Variants in ANGPT4 observed in about 807,000 individuals in gnomAD.
ANGPT4 encodes angiopoietin 4.
A neutral mutation model predicts 53.0 loss-of-function variants in ANGPT4; 50 were observed. That is an observed-to-expected ratio of 0.94 (90% CI 0.75 to 1.20). The LOEUF is 1.20. Ranked by LOEUF, ANGPT4 falls within the 50% of genes most tolerant of loss-of-function variation. ANGPT4 has a pLI of 0.00. For synonymous variants in ANGPT4, 251 were observed against 259.7 expected (o/e 0.97, Z 0.32); for missense variants, 648 against 637.1 (o/e 1.02, Z -0.18).
intron 7 of ANGPT4, among the ~76,000 whole-genome samples, chr20:876,766 G>A (rs1052820776): frequency 2.6e-5 from 4 of 151,802 alleles, no homozygotes; most frequent in Non-Finnish European, 5.9e-5. Context: ...GGTGTGAGGA[G>A]TAGGGGGACA....
intron 7 of ANGPT4, among the ~76,000 whole-genome samples, chr20:876,068 T>C (rs1382500142): frequency 6.9e-6 from 1 of 145,872 alleles, no homozygotes; most frequent in Non-Finnish European, 1.5e-5. Flanking sequence ...GCCTGGGAGG[T>C]CTGGGAGGTC....
chr20:894,968 G>C (rs1462289162), intron 1 of ANGPT4, among the ~76,000 whole-genome samples: 2 of 152,144 alleles, frequency 1.3e-5, no homozygotes, highest in Non-Finnish European at 2.9e-5. Flanking sequence ...GTTACCCACA[G>C]CTGGATCCCA....
rs146601570 is a variant in ANGPT4 at position 908,417 on chromosome 20, C to T, written c.309+7489G>A. 3.2e-4 allele frequency among the ~76,000 whole-genome samples: 48 copies of T among 152,316 alleles called. No homozygotes were observed. The highest frequency in any genetic ancestry group is 5.2e-4 in the Admixed American group (8 of 15,308). On this transcript the variant is annotated intron_variant, in intron 1 of 8. Transcript: ENST00000381922. This position sits in a 1 kb window ranked among gnomAD's most constrained non-coding sequence, Gnocchi z 4.9. ...ATGCTTTTGCTTCCTTTCCCTGTCT[C>T]GCCACTGCCAACCCAGCCTTTAGAT...
chr20:899,633 C>A (rs567854753), intron 1 of ANGPT4, among the ~76,000 whole-genome samples: 34 of 152,092 alleles, frequency 2.2e-4, no homozygotes, highest in Non-Finnish European at 8.8e-5. Flanking sequence ...CATTTTAACC[C>A]GGACAAGTCT....
In ANGPT4 at chr20:916,228, A is replaced by G. The variant is rs1375623081; in HGVS notation, c.-14T>C. 12 of 1,607,286 alleles carry G rather than the reference A, an allele frequency of 7.5e-6. No individual in the cohort carries two copies. Among genetic ancestry groups the G allele is most frequent in the Non-Finnish European group, 8.5e-6 (10 of 1,175,790 alleles). ...CTGGGAGAGCATCTGAAGATGTGTC[A>G]ATGGCGAGGGATGTCTGCTCAGAGC... On this transcript the variant is annotated 5_prime_UTR_variant, in exon 1 of 9. Coordinates refer to ENST00000381922, the MANE Select transcript of ANGPT4 (RefSeq NM_015985.4).
At chr20:897,783 C>A (rs1982114958) in intron 1 of ANGPT4, among the ~76,000 whole-genome samples, 1 of 152,226 alleles carries the variant, frequency 6.6e-6, no homozygotes, top group African/African-American at 2.4e-5. Context: ...ACCTTCCACC[C>A]TGCATTCCCC....
chr20:875,955 C>T (rs1159978378), intron 7 of ANGPT4, among the ~76,000 whole-genome samples: 1 of 151,830 alleles, frequency 6.6e-6, no homozygotes, highest in African/African-American at 2.4e-5. Flanking sequence ...CATAGGGAAA[C>T]CCTGTTTCTA....
At chr20:902,499 T>C (rs561054523) in intron 1 of ANGPT4, among the ~76,000 whole-genome samples, 13 of 152,162 alleles carry the variant, frequency 8.5e-5, no homozygotes, top group Non-Finnish European at 1.6e-4. Flanking sequence ...ATTGCAGTGA[T>C]TGCGGATATC....
intron 7 of ANGPT4, among the ~76,000 whole-genome samples, chr20:874,674 A>G (rs1981091269): frequency 6.6e-6 from 1 of 152,208 alleles, no homozygotes; most frequent in African/African-American, 2.4e-5. Flanking sequence ...CTTGGAGAGA[A>G]GTGATAATGG....
intron 1 of ANGPT4, among the ~76,000 whole-genome samples, chr20:900,361 C>T (rs1292097391): frequency 3.3e-5 from 5 of 152,168 alleles, no homozygotes; most frequent in Non-Finnish European, 7.4e-5. Context: ...CTGACGGCTG[C>T]CACCCTAGCT....
rs1331188831 is a variant in ANGPT4 at position 870,199 on chromosome 20, G to C, written c.*2761C>G. ...TATACCTGAGTCCTGGCATGGAAGA[G>C]GAAGGAAGGTAAGAAAGAAGGATGA... is the stretch of plus-strand genomic sequence containing the variant. On this transcript the variant is annotated 3_prime_UTR_variant, in exon 9 of 9. Coordinates refer to ENST00000381922, the MANE Select transcript of ANGPT4 (RefSeq NM_015985.4). 6.6e-6 allele frequency: 1 copy of C among 152,240 alleles called. No individual in the cohort carries two copies. The highest frequency in any genetic ancestry group is 2.4e-5 in the African/African-American group (1 of 41,456). The allele number at this position is 152,240 out of a possible 1,614,324, so 9.4% of individuals were successfully genotyped here.
intron 5 of ANGPT4, among the ~76,000 whole-genome samples, chr20:880,506 C>T (rs1293367999): frequency 6.6e-6 from 1 of 151,676 alleles, no homozygotes; most frequent in Admixed American, 6.6e-5. Flanking sequence ...GAGGATCACT[C>T]GAGCCCAGGA....
intron 1 of ANGPT4, among the ~76,000 whole-genome samples, chr20:904,858 C>T (rs1199187791): frequency 2.6e-5 from 4 of 152,166 alleles, no homozygotes; most frequent in African/African-American, 7.2e-5. Context: ...TCTCAAACTC[C>T]TGAGCTCGAG....
Position 910,261 on chromosome 20 carries a change from C to T in ANGPT4, c.309+5645G>A, listed in dbSNP as rs376583178. Among the ~76,000 whole-genome samples the T allele has an allele frequency of 1.2e-4, 18 of 152,270 alleles. 1 individual carries two copies. Among genetic ancestry groups the T allele is most frequent in the African/African-American group, 4.3e-4 (18 of 41,560 alleles). On this transcript the variant is annotated intron_variant, in intron 1 of 8. Transcript: ENST00000381922. ...ACTGGGTCATGGTGAGAATTAAATG[C>T]CGTAACATAAAGCACCTAGGACAGT...
chr20:898,944 C>A (rs1982164463), intron 1 of ANGPT4, among the ~76,000 whole-genome samples: 1 of 152,200 alleles, frequency 6.6e-6, no homozygotes, highest in African/African-American at 2.4e-5. Flanking sequence ...CCAACCACAC[C>A]CAGAGCCCCT....
chr20:909,028 A>G (rs1982596201), intron 1 of ANGPT4, among the ~76,000 whole-genome samples: 2 of 152,102 alleles, frequency 1.3e-5, no homozygotes, highest in African/African-American at 2.4e-5. Context: ...GTGGGCACAG[A>G]GAGGTGGTCT....
chr20:881,717 A>G (rs1981413697), intron 4 of ANGPT4, among the ~76,000 whole-genome samples: 1 of 152,146 alleles, frequency 6.6e-6, no homozygotes, highest in Non-Finnish European at 1.5e-5. Context: ...GGGAAGGAAA[A>G]GGAGAGACGA....
chr20:897,716 C>T (rs573540158), intron 1 of ANGPT4, among the ~76,000 whole-genome samples: 85 of 152,286 alleles, frequency 5.6e-4, no homozygotes, highest in African/African-American at 1.8e-3. Context: ...GGCTGCTCAC[C>T]GCCCGCTTCT....
At position 908,956 on chromosome 20, in the gene ANGPT4, C is replaced by T. The variant is rs1465425615; in HGVS notation, c.309+6950G>A. On this transcript the variant is annotated intron_variant, in intron 1 of 8. Coordinates refer to ENST00000381922, the MANE Select transcript of ANGPT4 (RefSeq NM_015985.4). This position sits in a 1 kb window ranked among gnomAD's most constrained non-coding sequence, Gnocchi z 4.9. ...GTTCTGGGCCAACTCCTGCCACCGA[C>T]CCTTGGGTGAATGTGATTGAGTCAC... 1.3e-5 allele frequency among the ~76,000 whole-genome samples: 2 copies of T among 152,092 alleles called. No individual in the cohort carries two copies. Among genetic ancestry groups the T allele is most frequent in the East Asian group, 1.9e-4 (1 of 5,192 alleles).
Sources: gnomAD v4.1 joint callset for allele counts (sites outside exome capture counted in the v4.1 genomes callset) on GRCh38, gnomAD v4.1.1 for gene constraint, Gnocchi (gnomAD v3.1) non-coding constraint, MANE v1.5 for transcripts, NCBI Gene and HGNC (gene_info 2026-07-23, HGNC 2026-07-21) for gene names.